NOS3: variants seen among roughly 807,000 people sequenced by gnomAD.
The protein encoded by NOS3 is NOS type III.
A neutral mutation model predicts 144.9 loss-of-function variants in NOS3; 98 were observed. That is an observed-to-expected ratio of 0.68 (90% CI 0.57 to 0.80). The LOEUF (loss-of-function observed/expected upper bound fraction) is 0.80, where lower values mean the gene tolerates loss of function less well. Among genes scored for constraint, NOS3 ranks in the 30% least tolerant of loss-of-function variants. The probability of loss-of-function intolerance (pLI) is 0.00; values close to 1 mark genes in which losing one functional copy is unlikely to be tolerated. For missense variants in NOS3, 1,465 were observed against 1,656.4 expected (o/e 0.88, Z 2.01); for synonymous variants, 714 against 702.4 (o/e 1.02, Z -0.26).
Position 151,010,316 on chromosome 7 carries a change from G to A in NOS3, c.2685+29G>A, listed in dbSNP as rs13305982. 6.8e-5 allele frequency: 109 copies of A among 1,591,534 alleles called. 1 individual carries two copies. In the East Asian group the frequency reaches 2.2e-3, roughly 32 times the overall value. ...GGGGGCCACCCCAATGAGGCACAGG[G>A]GCTAGAGAGACGGGATGAGCTGGGG... On this transcript the variant is annotated intron_variant, in intron 21 of 26. Coordinates refer to ENST00000297494, the MANE Select transcript of NOS3 (RefSeq NM_000603.5).
Position 151,000,610 on chromosome 7 carries a change from C to G in NOS3, c.1233+11C>G. On this transcript the variant is annotated intron_variant, in intron 10 of 26. Coordinates refer to ENST00000297494, the MANE Select transcript of NOS3 (RefSeq NM_000603.5). ...CTGCACAGTTACCAGGTGCAGAGGC[C>G]CAGACTGGCCAGGAAGGCAAAGGGT... is the stretch of plus-strand genomic sequence containing the variant. 1 of 1,578,544 alleles carries G rather than the reference C, an allele frequency of 6.3e-7. No individual in the cohort carries two copies.
Position 151,004,266 on chromosome 7 carries a change from G to A in NOS3, c.1752+1962G>A, listed in dbSNP as rs963964725. Among the ~76,000 whole-genome samples, 13 of 152,216 alleles carry A rather than the reference G, an allele frequency of 8.5e-5. No homozygotes were observed. The South Asian group carries it at 1.0e-3, about 12-fold the overall frequency. On this transcript the variant is annotated intron_variant, in intron 14 of 26. Transcript: ENST00000297494. The stretch of plus-strand genomic sequence containing the variant: ...CGGGAGAATTGCTTGAACCTGGGAG[G>A]TGGAGGTTGCAGTGAGCCGAGATCA...
At position 150,995,231 on chromosome 7, in the gene NOS3, CCA is replaced by C; in HGVS notation, c.188_189del (p.Pro63ArgfsTer19). On this transcript the variant is annotated frameshift_variant, in exon 3 of 27. Transcript: ENST00000297494. LOFTEE classifies it high-confidence loss of function. ...CCCGAGCTCCCCGCTAACCCAGCCC[CCA>C]GAGGGGCCCAAGTTCCCTCGTGTGA... ...SPPSSPLTQPPEGPKFPRVKN... is the reference protein window; with the variant it reads ...SPPSSPLTQPXEGPKFPRVKN... 1 of 1,611,096 alleles carries C rather than the reference CCA, an allele frequency of 6.2e-7. No individual in the cohort carries two copies. The highest frequency in any genetic ancestry group is 8.5e-7 in the Non-Finnish European group (1 of 1,178,666).
In NOS3 at chr7:151,001,867, C is replaced by G. The variant is rs1478834946; in HGVS notation, c.1549C>G (p.Arg517Gly). ...GCTCATGGGCACGGTGATGGCGAAG[C>G]GAGTGAAGGCGACAATCCTGTATGG... ...ASLMGTVMAK[R>G]VKATILYGSE... Residue 517 changes from arginine to glycine, a missense_variant, in exon 13 of 27, where the codon CGA becomes GGA. Coordinates refer to ENST00000297494, the MANE Select transcript of NOS3 (RefSeq NM_000603.5). The G allele has an allele frequency of 6.2e-7, 1 of 1,613,588 alleles. No individual in the cohort carries two copies. Among genetic ancestry groups the G allele is most frequent in the East Asian group, 2.2e-5 (1 of 44,886 alleles).
chr7:151,010,914 T>G lies in NOS3; in HGVS notation c.2912T>G (p.Leu971Arg). The change falls in exon 23 of 27, where the codon CTG becomes CGG. Residue 971 changes from leucine to arginine, a missense_variant. By Grantham distance (102) the Leu-to-Arg change is moderately radical. This residue lies in a region of NOS3 where 106 missense variants were observed against 167.7 expected (regional missense o/e 0.63). Transcript: ENST00000297494. ...AYRTQDGLGP[L>R]HYGVCSTWLS... ...CCACCCCCAGATGGGCTGGGCCCCCTGCACTATGGAGTCTGCTCCACGTGG... is the reference window on the plus strand; with the variant it reads ...CCACCCCCAGATGGGCTGGGCCCCCGGCACTATGGAGTCTGCTCCACGTGG... The G allele has an allele frequency of 6.2e-7, 1 of 1,613,868 alleles. No homozygotes were observed. The highest frequency in any genetic ancestry group is 2.2e-5 in the East Asian group (1 of 44,880).
chr7:151,012,288 G>A lies in NOS3; in HGVS notation c.2985-63G>A, dbSNP rs572224911. ...GGGTCCTCCTTGCTCCACCCACCCT[G>A]CATGGTGAGAATGGTGGAGCAGGAA... is the stretch of plus-strand genomic sequence containing the variant. On this transcript the variant is annotated intron_variant, in intron 23 of 26. Transcript: ENST00000297494. 4.0e-5 allele frequency: 57 copies of A among 1,441,524 alleles called. No homozygotes were observed. The African/African-American group carries it at 7.5e-4, about 19-fold the overall frequency. 89.3% of individuals were successfully genotyped at this position (1,441,524 alleles called of 1,614,324 possible).
intron 12 of NOS3, 94 bp downstream of exon 12, chr7:151,001,711 G>A: frequency 6.3e-7 from 1 of 1,575,978 alleles, no homozygotes; most frequent in South Asian, 1.1e-5. Context: ...GCAGTGTTCT[G>A]GGCCTACCAC....
rs748835278 is a variant in NOS3, at chr7:151,010,671, G to C, written c.2760G>C (p.Ser920=). The change falls in exon 22 of 27, where the codon TCG becomes TCC. Residue 920 remains serine (S), a synonymous_variant. Coordinates refer to ENST00000297494, the MANE Select transcript of NOS3 (RefSeq NM_000603.5). The part of the protein sequence containing the change: ...TLLEVLEQFP[S]VALPAPLLLT... ...TGGAGGTGCTGGAGCAGTTCCCGTC[G>C]GTGGCGCTGCCTGCCCCACTGCTCC... 4 of 1,608,470 alleles carry C rather than the reference G, an allele frequency of 2.5e-6. No individual in the cohort carries two copies. The highest frequency in any genetic ancestry group is 3.4e-6 in the Non-Finnish European group (4 of 1,177,928).
At position 151,009,231 on chromosome 7, in the gene NOS3, T is replaced by C; in HGVS notation, c.2288T>C (p.Ile763Thr). The change falls in exon 19 of 27, where the codon ATC (isoleucine) becomes ACC (threonine). Residue 763 changes from isoleucine (I) to threonine (T), a missense_variant. Around this residue, in one of 5 missense-constraint regions of NOS3, gnomAD observed 745 missense variants for 853.9 expected, o/e 0.87. Coordinates refer to ENST00000297494, the MANE Select transcript of NOS3 (RefSeq NM_000603.5). ...VHRRKMFQAT[I>T]RSVENLQSSK... ...AGGCGGAAGATGTTCCAGGCTACAA[T>C]CCGCTCAGTGGAAAACCTGCAAAGC... is the stretch of plus-strand genomic sequence containing the variant. The C allele has an allele frequency of 6.2e-7, 1 of 1,613,052 alleles. No homozygotes were observed. Among genetic ancestry groups the C allele is most frequent in the Non-Finnish European group, 8.5e-7 (1 of 1,179,776 alleles).
Position 151,010,149 on chromosome 7 carries a change from G to A in NOS3, c.2547G>A (p.Arg849=). 2 of 1,609,370 alleles carry A rather than the reference G, an allele frequency of 1.2e-6. No homozygotes were observed. The highest frequency in any genetic ancestry group is 1.1e-5 in the South Asian group (1 of 90,756). Residue 849 remains arginine (R), a synonymous_variant, in exon 21 of 27, where the codon CGG becomes CGA. Transcript: ENST00000297494. The part of the protein sequence containing the change: ...GPPPGWVRDP[R]LPPCTLRQAL... ...CCCCCGGCTGGGTGCGGGACCCCCG[G>A]CTGCCCCCGTGCACGCTGCGCCAGG...
chr7:151,007,746 TC>T (rs559320581), intron 17 of NOS3, among the ~76,000 whole-genome samples: 7 of 152,350 alleles, frequency 4.6e-5, no homozygotes, highest in African/African-American at 1.4e-4. Context: ...GCAGAACTGG[TC>T]CCGGGCCGGG....
chr7:151,013,945 C>A, intron 26 of NOS3, 27 bp downstream of exon 26: 1 of 1,601,044 alleles, frequency 6.2e-7, no homozygotes, highest in South Asian at 1.1e-5. Context: ...CGGGCCTGAG[C>A]GTGCGGGGTT....
chr7:151,012,681 G>A (rs1270993338), intron 24 of NOS3: 24 of 543,208 alleles, frequency 4.4e-5, no homozygotes, highest in Non-Finnish European at 7.5e-5. Context: ...GTACATAGTA[G>A]GTGTTGACTG....
At chr7:151,009,609 C>T in intron 20 of NOS3, 24 bp downstream of exon 20, 1 of 1,495,748 alleles carries the variant, frequency 6.7e-7, no homozygotes, top group Non-Finnish European at 8.9e-7. Context: ...TGGGAAGCAA[C>T]AGGGCACACC....
Position 150,998,179 on chromosome 7 carries a change from G to T in NOS3, c.583-178G>T, listed in dbSNP as rs553807801. On this transcript the variant is annotated intron_variant, in intron 5 of 26. Coordinates refer to ENST00000297494, the MANE Select transcript of NOS3 (RefSeq NM_000603.5). The surrounding 1 kb of genome is among the most constrained non-coding windows in gnomAD (Gnocchi z 5.0). ...GAGGAGATGAGAAGCAGCCCGGATGGTGCTACATATGTCAGAGAGCAGGGC... is the reference window on the plus strand; with the variant it reads ...GAGGAGATGAGAAGCAGCCCGGATGTTGCTACATATGTCAGAGAGCAGGGC... Among the ~76,000 whole-genome samples the T allele has an allele frequency of 6.6e-6, 1 of 152,314 alleles. No homozygotes were observed. The highest frequency in any genetic ancestry group is 1.5e-5 in the Non-Finnish European group (1 of 68,012).
intron 20 of NOS3, among the ~76,000 whole-genome samples, chr7:151,009,858 A>T (rs1726381307): frequency 6.6e-6 from 1 of 152,136 alleles, no homozygotes; most frequent in African/African-American, 2.4e-5. Context: ...CTTGCTCTGG[A>T]GCTGGCACTG....
intron 1 of NOS3, among the ~76,000 whole-genome samples, chr7:150,991,826 T>A (rs1802260029): frequency 6.6e-6 from 1 of 152,088 alleles, no homozygotes. Flanking sequence ...TGAAACCCTG[T>A]CTCTAATAAA....
chr7:150,995,325 C>T lies in NOS3; in HGVS notation c.270+11C>T. ...GCCCAGGCGCAGCAGGTAAGGCCGG[C>T]ATGCCCTGTCCCCATCGTCTCCAGG... On this transcript the variant is annotated intron_variant, in intron 3 of 26. Transcript: ENST00000297494. The T allele has an allele frequency of 6.3e-7, 1 of 1,581,090 alleles. No individual in the cohort carries two copies. Among genetic ancestry groups the T allele is most frequent in the Non-Finnish European group, 8.7e-7 (1 of 1,152,428 alleles).
chr7:150,998,841 C>A lies in NOS3; in HGVS notation c.817-105C>A, dbSNP rs1802497881. ...TGCCTGGGTGGTCACGGAGACCCAG[C>A]CAATGAGGGACCCTGGAGATGAAGG... On this transcript the variant is annotated intron_variant, in intron 7 of 26. Coordinates refer to ENST00000297494, the MANE Select transcript of NOS3 (RefSeq NM_000603.5). The surrounding 1 kb of genome is among the most constrained non-coding windows in gnomAD (Gnocchi z 5.0). The A allele has an allele frequency of 5.4e-6, 8 of 1,489,206 alleles. No individual in the cohort carries two copies. The South Asian group carries it at 7.6e-5, about 14-fold the overall frequency. The allele number at this position is 1,489,206 out of a possible 1,614,324, so 92.2% of individuals were successfully genotyped here. A position where few individuals can be genotyped will look rare whatever the true frequency, so the allele number is the denominator to read the frequency against.
Sources: allele counts gnomAD v4.1 joint callset (sites outside exome capture counted in the v4.1 genomes callset), GRCh38; gene constraint gnomAD v4.1.1; regional missense constraint gnomAD v4.1.1; non-coding constraint Gnocchi (gnomAD v3.1); transcripts MANE v1.5; gene names NCBI Gene and HGNC (gene_info 2026-07-23, HGNC 2026-07-21).